ANK2: variants seen among roughly 807,000 people sequenced by gnomAD.
ANK2 encodes the protein ankyrin 2.
A neutral mutation model predicts 360.5 loss-of-function variants in ANK2; 83 were observed. The observed-to-expected ratio is 0.23, with a 90% CI of 0.19 to 0.28. The LOEUF is 0.28. ANK2 is among the 10% of genes least tolerant of loss of function. The probability of loss-of-function intolerance (pLI) is 1.00; values close to 1 mark genes in which losing one functional copy is unlikely to be tolerated. For synonymous variants in ANK2, 1,740 were observed against 1,759.5 expected (o/e 0.99, Z 0.28); for missense variants, 4,201 against 4,795.7 (o/e 0.88, Z 3.66).
intron 2 of ANK2, among the ~76,000 whole-genome samples, chr4:112,975,143 G>A (rs2174559): frequency 0.18 from 27,406 of 151,954 alleles, 2,936 homozygotes; most frequent in East Asian, 0.37. Flanking sequence ...AATCTATGTC[G>A]GCACTTACCT....
Position 113,025,835 on chromosome 4 carries a change from C to T in ANK2, c.21+121321C>T, listed in dbSNP as rs186851389. ...AGATGTAGAGGTATGGGTAGTATAA[C>T]TAATGTGGAGGAATGGCTGCTATAC... On this transcript the variant is annotated intron_variant, in intron 2 of 30. Transcript: ENST00000503271. 2.0e-5 allele frequency among the ~76,000 whole-genome samples: 3 copies of T among 152,178 alleles called. No individual in the cohort carries two copies. The East Asian group carries it at 5.8e-4, about 29-fold the overall frequency.
chr4:113,375,197 T>A (rs1268114751), intron 45 of ANK2, among the ~76,000 whole-genome samples: 2 of 152,178 alleles, frequency 1.3e-5, no homozygotes, highest in African/African-American at 2.4e-5. Flanking sequence ...TGAATCAGAC[T>A]CAGAATCTCT....
At chr4:113,075,419 T>C (rs1396853041) in intron 1 of ANK2, among the ~76,000 whole-genome samples, 1 of 152,212 alleles carries the variant, frequency 6.6e-6, no homozygotes, top group Non-Finnish European at 1.5e-5. Context: ...AAAGATAACA[T>C]CTTTTCATTT....
chr4:113,299,572 G>T (rs1182843146), intron 22 of ANK2, among the ~76,000 whole-genome samples: 3 of 152,184 alleles, frequency 2.0e-5, no homozygotes, highest in East Asian at 3.9e-4. Flanking sequence ...AGGCGTGCTG[G>T]TGCACACCTG....
intron 1 of ANK2, among the ~76,000 whole-genome samples, chr4:112,834,633 A>G (rs2060601458): frequency 6.6e-6 from 1 of 152,222 alleles, no homozygotes; most frequent in African/African-American, 2.4e-5. Flanking sequence ...AAAACACTAC[A>G]AAGCCATTAT....
At chr4:113,013,541 A>G (rs2055505634) in intron 2 of ANK2, among the ~76,000 whole-genome samples, 1 of 152,198 alleles carries the variant, frequency 6.6e-6, no homozygotes, top group Admixed American at 6.5e-5. Context: ...CACAAAACAG[A>G]TAGTTAAAAA....
intron 26 of ANK2, among the ~76,000 whole-genome samples, chr4:113,327,016 AT>A: frequency 6.6e-6 from 1 of 152,066 alleles, no homozygotes; most frequent in East Asian, 1.9e-4. Context: ...GGAAAAAAAA[AT>A]TGTTTTTTCT....
At chr4:112,947,761 T>C (rs997509001) in intron 2 of ANK2, among the ~76,000 whole-genome samples, 10 of 152,206 alleles carry the variant, frequency 6.6e-5, no homozygotes, top group African/African-American at 2.2e-4. Flanking sequence ...AACTGCAGTG[T>C]TCTTCTTTGG....
At chr4:113,077,994 G>A (rs548789884) in intron 1 of ANK2, among the ~76,000 whole-genome samples, 291 of 144,914 alleles carry the variant, frequency 2.0e-3, no homozygotes, top group African/African-American at 7.0e-3. Flanking sequence ...CCCTTGGGGG[G>A]AAACTCAATT....
rs184233781 is a variant in ANK2 at position 113,289,803 on chromosome 4, C to G, written c.2277+1317C>G. Among the ~76,000 whole-genome samples, 52 of 152,172 alleles carry G rather than the reference C, an allele frequency of 3.4e-4. 4 individuals are homozygous for G. In the East Asian group the frequency reaches 9.6e-3, roughly 28 times the overall value. ...AATAGCTTGCTGCCTAGTTTCTGAC[C>G]AGTTCTTAAGTTCTCATGAAATTGA... is the stretch of plus-strand genomic sequence containing the variant. On this transcript the variant is annotated intron_variant, in intron 20 of 45. Transcript: ENST00000357077.
chr4:112,931,422 T>A (rs995238462), intron 2 of ANK2, among the ~76,000 whole-genome samples: 3 of 149,182 alleles, frequency 2.0e-5, no homozygotes, highest in African/African-American at 7.5e-5. Flanking sequence ...TTTCAAAGAT[T>A]TCTTTCTTTT....
chr4:112,992,615 C>CT (rs2047196646), intron 2 of ANK2, among the ~76,000 whole-genome samples: 1 of 152,156 alleles, frequency 6.6e-6, no homozygotes, highest in African/African-American at 2.4e-5. Context: ...CAAGGGCTTT[C>CT]TTTCTAGCTT....
intron 21 of ANK2, chr4:113,293,192 G>T: frequency 3.2e-6 from 2 of 633,224 alleles, no homozygotes. Flanking sequence ...GGGTTAAAGC[G>T]TCAAGTGCTT....
At chr4:112,745,810 G>A in the ANK2 span, among the ~76,000 whole-genome samples, 5 of 152,038 alleles carry the variant, frequency 3.3e-5, no homozygotes, top group African/African-American at 1.2e-4. Context: ...TGGGATTACA[G>A]GTGTGAGCCA....
At chr4:112,997,235 T>G (rs912811889) in intron 2 of ANK2, among the ~76,000 whole-genome samples, 1 of 152,160 alleles carries the variant, frequency 6.6e-6, no homozygotes. Flanking sequence ...TTGCTTCATG[T>G]ACTTATCATT....
intron 1 of ANK2, among the ~76,000 whole-genome samples, chr4:112,845,322 GT>G (rs34457976): frequency 9.5e-5 from 14 of 147,742 alleles, no homozygotes; most frequent in Non-Finnish European, 1.3e-4. Context: ...GTACTTAGGT[GT>G]TTTTTTTTTT....
intron 10 of ANK2, among the ~76,000 whole-genome samples, chr4:113,252,073 G>T (rs1349190764): frequency 6.6e-6 from 1 of 152,098 alleles, no homozygotes; most frequent in African/African-American, 2.4e-5. Flanking sequence ...TCCACCTGAG[G>T]AGGAACTCAC....
At chr4:112,867,313 G>A (rs917243213) in intron 1 of ANK2, among the ~76,000 whole-genome samples, 1 of 151,646 alleles carries the variant, frequency 6.6e-6, no homozygotes, top group Non-Finnish European at 1.5e-5. Flanking sequence ...CATTTTTCTG[G>A]TGAATACTCT....
In ANK2 at chr4:113,268,259, T is replaced by C. The variant is rs147614177; in HGVS notation, c.1485+3264T>C. Among the ~76,000 whole-genome samples, 641 of 152,316 alleles carry C rather than the reference T, an allele frequency of 4.2e-3. 6 individuals are homozygous for C. Among genetic ancestry groups the C allele is most frequent in the African/African-American group, 0.014 (598 of 41,558 alleles). ...CCCTTTATTTCCTCCCCTTGCCTGA[T>C]TGCCCTGGCTAGAACTTCCAATACT... is the stretch of plus-strand genomic sequence containing the variant. On this transcript the variant is annotated intron_variant, in intron 14 of 45. Coordinates refer to ENST00000357077, the MANE Select transcript of ANK2 (RefSeq NM_001148.6).
Sources: allele counts gnomAD v4.1 joint callset (sites outside exome capture counted in the v4.1 genomes callset), GRCh38; gene constraint gnomAD v4.1.1; transcripts MANE v1.5; gene names NCBI Gene and HGNC (gene_info 2026-07-23, HGNC 2026-07-21).